The following RSU1 variants were observed in gnomAD, a reference collection of about 807,000 sequenced individuals.
RSU1 encodes rsu-1.
RSU1 carries 26 observed loss-of-function variants against 31.1 expected under a neutral mutation model. The ratio of observed to expected loss-of-function variants is 0.84; its 90% CI spans 0.61 to 1.16. The LOEUF (loss-of-function observed/expected upper bound fraction) is 1.16. Among genes scored for constraint, RSU1 ranks in the 50% most tolerant of loss-of-function variants. The pLI is 0.00. For synonymous variants in RSU1, 164 were observed against 136.3 expected (o/e 1.20, Z -1.41); for missense variants, 320 against 339.1 (o/e 0.94, Z 0.44).
At chr10:16,637,778 G>A (rs1405883383) in intron 8 of RSU1, among the ~76,000 whole-genome samples, 1 of 151,628 alleles carries the variant, frequency 6.6e-6, no homozygotes, top group Admixed American at 6.6e-5. Context: ...TCAAGACCAA[G>A]CGCTGACTAA....
At chr10:16,628,429 A>C (rs1240046538) in intron 8 of RSU1, among the ~76,000 whole-genome samples, 1 of 152,200 alleles carries the variant, frequency 6.6e-6, no homozygotes, top group Non-Finnish European at 1.5e-5. Flanking sequence ...TCGTGTACCT[A>C]ATACTTAATT....
Position 16,590,838 on chromosome 10 carries a change from A to G in RSU1, c.*2556T>C, listed in dbSNP as rs1385304566. 6.6e-6 allele frequency: 1 copy of G among 152,172 alleles called. No homozygotes were observed. Among genetic ancestry groups the G allele is most frequent in the East Asian group, 1.9e-4 (1 of 5,192 alleles). The allele number at this position is 152,172 out of a possible 1,614,324, so 9.4% of individuals were successfully genotyped here. A position where few individuals can be genotyped will look rare whatever the true frequency, so the allele number is the denominator to read the frequency against. ...TTGACACAGCTGGGACCATCCTTATATAGTTAGTTTTAAAAATCTTGCTTT... is the reference window on the plus strand; with the variant it reads ...TTGACACAGCTGGGACCATCCTTATGTAGTTAGTTTTAAAAATCTTGCTTT... On this transcript the variant is annotated 3_prime_UTR_variant, in exon 9 of 9. Transcript: ENST00000345264.
intron 7 of RSU1, among the ~76,000 whole-genome samples, chr10:16,746,338 G>T (rs1836854010): frequency 6.6e-6 from 1 of 152,172 alleles, no homozygotes. Flanking sequence ...TGCAAATTAA[G>T]GTTTTGATGT....
chr10:16,768,685 C>T (rs961436180), intron 3 of RSU1, among the ~76,000 whole-genome samples: 6 of 152,206 alleles, frequency 3.9e-5, no homozygotes, highest in African/African-American at 1.4e-4. Flanking sequence ...GCCTAACACA[C>T]CCGGCATGAC....
At chr10:16,805,009 C>A (rs1381814169) in intron 2 of RSU1, among the ~76,000 whole-genome samples, 1 of 152,064 alleles carries the variant, frequency 6.6e-6, no homozygotes, top group Non-Finnish European at 1.5e-5. Context: ...AACAGCCTGG[C>A]TAACTTGGTG....
chr10:16,726,212 G>C (rs1836389530), intron 7 of RSU1, among the ~76,000 whole-genome samples: 2 of 150,304 alleles, frequency 1.3e-5, no homozygotes, highest in African/African-American at 2.5e-5. Context: ...TTCTTCATTT[G>C]TCAATATAGT....
intron 8 of RSU1, among the ~76,000 whole-genome samples, chr10:16,687,112 C>T (rs577962939): frequency 2.0e-5 from 3 of 152,222 alleles, no homozygotes; most frequent in African/African-American, 7.2e-5. Context: ...GTACATTTTC[C>T]AAGTCTTTAT....
At chr10:16,610,477 G>A (rs1833873431) in intron 8 of RSU1, among the ~76,000 whole-genome samples, 1 of 152,200 alleles carries the variant, frequency 6.6e-6, no homozygotes, top group Admixed American at 6.5e-5. Flanking sequence ...CATAGTAGGT[G>A]GTGAGTGGCA....
chr10:16,604,120 A>T (rs1052174465), intron 8 of RSU1, among the ~76,000 whole-genome samples: 1 of 152,188 alleles, frequency 6.6e-6, no homozygotes. Context: ...ACACAGAACT[A>T]GCTGGGGATG....
chr10:16,725,619 T>G (rs1043927365), intron 7 of RSU1, among the ~76,000 whole-genome samples: 3 of 151,834 alleles, frequency 2.0e-5, no homozygotes, highest in African/African-American at 7.3e-5. Flanking sequence ...CCTCTTGCCC[T>G]TCTGCCTTCT....
chr10:16,755,550 C>G (rs1837067228), intron 4 of RSU1, among the ~76,000 whole-genome samples: 1 of 151,950 alleles, frequency 6.6e-6, no homozygotes, highest in Non-Finnish European at 1.5e-5. Context: ...TTAAATCATA[C>G]TATTTAACAC....
At chr10:16,660,955 T>C (rs1020181330) in intron 8 of RSU1, among the ~76,000 whole-genome samples, 1 of 152,102 alleles carries the variant, frequency 6.6e-6, no homozygotes, top group African/African-American at 2.4e-5. Context: ...GCCCACTTAC[T>C]CTCTCTTCAT....
intron 2 of RSU1, among the ~76,000 whole-genome samples, chr10:16,803,051 G>T (rs1213668539): frequency 2.6e-5 from 4 of 152,064 alleles, no homozygotes; most frequent in Admixed American, 6.6e-5. Flanking sequence ...AGAAAAAGCA[G>T]CAAAATGTAT....
At chr10:16,613,789 A>G (rs908143696) in intron 8 of RSU1, among the ~76,000 whole-genome samples, 8 of 151,824 alleles carry the variant, frequency 5.3e-5, no homozygotes, top group African/African-American at 1.9e-4. Context: ...TAAAATGTCT[A>G]CAGCTCTTTA....
intron 2 of RSU1, 39 bp downstream of exon 2, chr10:16,816,934 T>C (rs1328925714): frequency 1.4e-6 from 2 of 1,435,090 alleles, no homozygotes; most frequent in East Asian, 4.5e-5. Flanking sequence ...TAGAAAGCCT[T>C]CCAGCTCATC....
intron 8 of RSU1, among the ~76,000 whole-genome samples, chr10:16,616,153 T>C (rs908380425): frequency 1.3e-5 from 2 of 151,070 alleles, no homozygotes; most frequent in African/African-American, 2.4e-5. Flanking sequence ...AAGAATCAAA[T>C]AGACAAAATA....
intron 4 of RSU1, among the ~76,000 whole-genome samples, chr10:16,755,715 A>C (rs1310054366): frequency 6.6e-6 from 1 of 152,124 alleles, no homozygotes; most frequent in South Asian, 2.1e-4. Context: ...TCTCCTAACT[A>C]AAATTTCATG....
At chr10:16,642,361 A>G (rs1360621260) in intron 8 of RSU1, among the ~76,000 whole-genome samples, 1 of 152,194 alleles carries the variant, frequency 6.6e-6, no homozygotes, top group Non-Finnish European at 1.5e-5. Flanking sequence ...GGCATCTTGC[A>G]GGCAGAAACT....
chr10:16,632,661 G>C (rs146066482), intron 8 of RSU1, among the ~76,000 whole-genome samples: 133 of 152,220 alleles, frequency 8.7e-4, no homozygotes, highest in African/African-American at 2.9e-3. Context: ...AAGACAGGCC[G>C]AGTGTGGTGG....
Sources: allele counts gnomAD v4.1 joint callset (sites outside exome capture counted in the v4.1 genomes callset), GRCh38; gene constraint gnomAD v4.1.1; transcripts MANE v1.5; gene names NCBI Gene and HGNC (gene_info 2026-07-23, HGNC 2026-07-21).